NALCN: variants seen among roughly 807,000 people sequenced by gnomAD.
NALCN encodes sodium leak channel NALCN.
In NALCN, 111 loss-of-function variants were observed where a neutral mutation model predicts 225.3. The ratio of observed to expected loss-of-function variants is 0.49; its 90% confidence interval spans 0.42 to 0.58. The LOEUF is 0.58. Among genes scored for constraint, NALCN ranks in the 20% least tolerant of loss-of-function variants. NALCN has a pLI of 0.00. For missense variants in NALCN, 1,378 were observed against 2,202.4 expected (o/e 0.63, Z 7.49); for synonymous variants, 764 against 769.0 (o/e 0.99, Z 0.11).
At chr13:101,370,229 T>A (rs2046499719) in intron 6 of NALCN, among the ~76,000 whole-genome samples, 1 of 152,148 alleles carries the variant, frequency 6.6e-6, no homozygotes. Flanking sequence ...TAGCTATGGA[T>A]GTGAGTCCTG....
intron 30 of NALCN, among the ~76,000 whole-genome samples, chr13:101,086,658 T>C (rs1332955305): frequency 6.6e-6 from 1 of 152,098 alleles, no homozygotes; most frequent in Non-Finnish European, 1.5e-5. Context: ...TCAAATCTCA[T>C]ATTTCCTTTT....
chr13:101,068,861 A>AAGAGT, intron 37 of NALCN, 34 bp from the exon 38 acceptor site: 1 of 1,546,234 alleles, frequency 6.5e-7, no homozygotes, highest in Non-Finnish European at 8.7e-7. Context: ...AGGAGAGGAT[A>AAGAGT]AGAGTAGAGA....
At chr13:101,230,976 C>G (rs2041323988) in intron 12 of NALCN, among the ~76,000 whole-genome samples, 1 of 152,116 alleles carries the variant, frequency 6.6e-6, no homozygotes, top group Non-Finnish European at 1.5e-5. Context: ...TATACAAATA[C>G]TTACCTTTGT....
At chr13:101,387,247 A>T (rs906069867) in intron 3 of NALCN, among the ~76,000 whole-genome samples, 1 of 150,592 alleles carries the variant, frequency 6.6e-6, no homozygotes, top group African/African-American at 2.4e-5. Flanking sequence ...AAAAAAAAAA[A>T]AAAAAAACAG....
intron 13 of NALCN, among the ~76,000 whole-genome samples, chr13:101,216,000 C>T (rs1009213060): frequency 2.6e-5 from 4 of 152,090 alleles, no homozygotes. Flanking sequence ...TTCACAAATC[C>T]TACCAGTATC....
At chr13:101,393,546 G>T (rs1339443945) in intron 3 of NALCN, among the ~76,000 whole-genome samples, 1 of 152,212 alleles carries the variant, frequency 6.6e-6, no homozygotes, top group African/African-American at 2.4e-5. Context: ...GACTTACAGA[G>T]ACTTAAAGGA....
At chr13:101,311,823 T>G (rs2044357433) in intron 7 of NALCN, among the ~76,000 whole-genome samples, 1 of 152,096 alleles carries the variant, frequency 6.6e-6, no homozygotes, top group Admixed American at 6.6e-5. Context: ...AAAATTCTCT[T>G]TTTTGGTTGT....
At chr13:101,219,281 G>A (rs747677417) in intron 13 of NALCN, among the ~76,000 whole-genome samples, 5 of 152,128 alleles carry the variant, frequency 3.3e-5, no homozygotes, top group East Asian at 1.9e-4. Context: ...TGTTTGCAAC[G>A]GAATTATGCA....
intron 11 of NALCN, among the ~76,000 whole-genome samples, chr13:101,253,895 C>G (rs1299141923): frequency 2.0e-5 from 3 of 152,018 alleles, no homozygotes; most frequent in East Asian, 1.9e-4. Flanking sequence ...GGCCTAAACT[C>G]AAGACATCTT....
intron 28 of NALCN, 128 bp from the exon 29 acceptor site, chr13:101,090,094 A>G: frequency 1.5e-6 from 2 of 1,322,656 alleles, no homozygotes; most frequent in East Asian, 2.3e-5. Flanking sequence ...ACACATATAT[A>G]CACACACACG....
intron 7 of NALCN, among the ~76,000 whole-genome samples, chr13:101,315,087 A>G (rs560242160): frequency 5.3e-5 from 8 of 152,326 alleles, no homozygotes; most frequent in African/African-American, 1.9e-4. Flanking sequence ...TGTTTAATTA[A>G]TATGTTTAAT....
chr13:101,337,391 C>A (rs538962920), intron 7 of NALCN, among the ~76,000 whole-genome samples: 1 of 151,950 alleles, frequency 6.6e-6, no homozygotes. Flanking sequence ...TTACTGTAAC[C>A]TCTGCCTCCC....
intron 13 of NALCN, among the ~76,000 whole-genome samples, chr13:101,215,300 T>C (rs2040686059): frequency 6.6e-6 from 1 of 152,172 alleles, no homozygotes; most frequent in African/African-American, 2.4e-5. Flanking sequence ...CAAATCAATG[T>C]ACAAAAATGT....
chr13:101,323,210 G>A (rs891894226), intron 7 of NALCN, among the ~76,000 whole-genome samples: 1 of 152,116 alleles, frequency 6.6e-6, no homozygotes, highest in Non-Finnish European at 1.5e-5. Flanking sequence ...ATATAAAACA[G>A]TCAATTAATT....
intron 15 of NALCN, among the ~76,000 whole-genome samples, chr13:101,159,168 T>C (rs771734320): frequency 6.6e-6 from 1 of 152,324 alleles, no homozygotes; most frequent in Non-Finnish European, 1.5e-5. Context: ...ATGAATATCA[T>C]CACTTTCCTG....
intron 13 of NALCN, among the ~76,000 whole-genome samples, chr13:101,198,576 C>G (rs1402128417): frequency 6.6e-6 from 1 of 152,290 alleles, no homozygotes; most frequent in East Asian, 1.9e-4. Context: ...AAATGCAAAT[C>G]AAAACCATAA....
At chr13:101,400,639 G>A (rs368484544) in intron 1 of NALCN, among the ~76,000 whole-genome samples, 10 of 151,914 alleles carry the variant, frequency 6.6e-5, no homozygotes, top group Admixed American at 3.9e-4. Flanking sequence ...ATAAAACACA[G>A]AAACTCAGAA....
At position 101,376,910 on chromosome 13, in the gene NALCN, C is replaced by A. The variant is rs41281142; in HGVS notation, c.515+7G>T. On this transcript the variant is annotated splice_region_variant and intron_variant, in intron 5 of 43. Coordinates refer to ENST00000251127, the MANE Select transcript of NALCN (RefSeq NM_052867.4). ...TTCCTCTTAACTTATTGTAAAGCAG[C>A]GCTCACTTTAAAATATTTGTAATTC... The A allele has an allele frequency of 5.6e-6, 9 of 1,613,982 alleles. No individual in the cohort carries two copies. The Admixed American group carries it at 1.2e-4, about 21-fold the overall frequency.
intron 11 of NALCN, among the ~76,000 whole-genome samples, chr13:101,247,017 G>A (rs975405755): frequency 1.3e-5 from 2 of 152,136 alleles, no homozygotes; most frequent in African/African-American, 4.8e-5. Flanking sequence ...TCTAAACGAG[G>A]TTAACCTCTT....
Sources: gnomAD v4.1 joint callset for allele counts (sites outside exome capture counted in the v4.1 genomes callset) on GRCh38, gnomAD v4.1.1 for gene constraint, MANE v1.5 for transcripts, NCBI Gene and HGNC (gene_info 2026-07-23, HGNC 2026-07-21) for gene names.